NAALADL2: variants seen among roughly 807,000 people sequenced by gnomAD.
The protein encoded by NAALADL2 is N-acetylated alpha-linked acidic dipeptidase like 2, also known as inactive N-acetylated-alpha-linked acidic dipeptidase-like protein 2.
In NAALADL2, 76 loss-of-function variants were observed where a neutral mutation model predicts 87.2. The observed-to-expected ratio is 0.87, with a 90% CI of 0.72 to 1.05. NAALADL2 has a LOEUF of 1.05. NAALADL2 is among the 50% of genes least tolerant of loss of function. NAALADL2 has a pLI of 0.00. For missense variants in NAALADL2, 1,089 were observed against 945.8 expected (o/e 1.15, Z -1.99); for synonymous variants, 354 against 331.0 (o/e 1.07, Z -0.75).
chr3:174,848,782 C>T (rs768623866), intron 3 of NAALADL2, among the ~76,000 whole-genome samples: 7 of 152,026 alleles, frequency 4.6e-5, no homozygotes, highest in Admixed American at 2.6e-4. Flanking sequence ...TTTGTTGTTG[C>T]GTGAACACCA....
At chr3:174,571,901 A>G (rs1714976745) in intron 2 of NAALADL2, among the ~76,000 whole-genome samples, 1 of 152,192 alleles carries the variant, frequency 6.6e-6, no homozygotes, top group Non-Finnish European at 1.5e-5. Context: ...AGATCCCAAT[A>G]TTTCTTCAGA....
chr3:174,946,799 G>A (rs76385200), intron 1 of NAALADL2, among the ~76,000 whole-genome samples: 6,480 of 152,100 alleles, frequency 0.043, 454 homozygotes, highest in African/African-American at 0.14. Context: ...CAGTTCTAAC[G>A]TGTTTAAATA....
chr3:175,617,698 C>A (rs1725538043), intron 10 of NAALADL2, among the ~76,000 whole-genome samples: 1 of 152,158 alleles, frequency 6.6e-6, no homozygotes, highest in Admixed American at 6.5e-5. Flanking sequence ...CTGTAGCTTC[C>A]TCCTGATATC....
At chr3:175,385,078 C>T (rs1189782759) in intron 5 of NAALADL2, among the ~76,000 whole-genome samples, 1 of 151,948 alleles carries the variant, frequency 6.6e-6, no homozygotes, top group African/African-American at 2.4e-5. Flanking sequence ...ATTTAATGAC[C>T]ATTTAGTATT....
chr3:174,769,741 T>G (rs1208773569), intron 3 of NAALADL2, among the ~76,000 whole-genome samples: 1 of 151,504 alleles, frequency 6.6e-6, no homozygotes, highest in Non-Finnish European at 1.5e-5. Flanking sequence ...GTCACACTTT[T>G]GAAAACAATT....
At chr3:175,071,703 A>G (rs888900469) in intron 1 of NAALADL2, among the ~76,000 whole-genome samples, 1 of 152,206 alleles carries the variant, frequency 6.6e-6, no homozygotes, top group Admixed American at 6.6e-5. Context: ...CCTGGTATCA[A>G]AACAGCTTAG....
At chr3:175,266,862 T>C (rs1236103643) in intron 4 of NAALADL2, among the ~76,000 whole-genome samples, 1 of 151,884 alleles carries the variant, frequency 6.6e-6, no homozygotes, top group Non-Finnish European at 1.5e-5. Flanking sequence ...CTGGTGAAGG[T>C]ATTATGGATA....
intron 2 of NAALADL2, among the ~76,000 whole-genome samples, chr3:174,592,654 A>G (rs903893404): frequency 1.8e-4 from 28 of 152,274 alleles, no homozygotes; most frequent in African/African-American, 5.5e-4. Flanking sequence ...TCGTTTTAGA[A>G]CTGCAAAGTT....
At chr3:174,533,046 G>T (rs1199957465) in intron 1 of NAALADL2, among the ~76,000 whole-genome samples, 2 of 149,940 alleles carry the variant, frequency 1.3e-5, no homozygotes, top group Non-Finnish European at 3.0e-5. Context: ...TAACTTTCTA[G>T]CTCATTACAG....
At chr3:174,599,994 A>G (rs1718281859) in intron 2 of NAALADL2, among the ~76,000 whole-genome samples, 1 of 152,160 alleles carries the variant, frequency 6.6e-6, no homozygotes. Context: ...TTAAGAATTC[A>G]GTGCTAGCTT....
At chr3:175,622,481 C>A (rs944199585) in intron 10 of NAALADL2, among the ~76,000 whole-genome samples, 1 of 152,074 alleles carries the variant, frequency 6.6e-6, no homozygotes, top group African/African-American at 2.4e-5. Context: ...CTATAGTGTT[C>A]TCTGTATTAT....
chr3:175,572,087 A>AG (rs1334857419), intron 9 of NAALADL2, among the ~76,000 whole-genome samples: 5 of 152,104 alleles, frequency 3.3e-5, no homozygotes, highest in Non-Finnish European at 7.4e-5. Flanking sequence ...AGGCCAACAG[A>AG]GAAACTCTGG....
At chr3:174,722,060 A>G (rs142649819) in intron 2 of NAALADL2, among the ~76,000 whole-genome samples, 3,248 of 152,208 alleles carry the variant, frequency 0.021, 39 homozygotes, top group Middle Eastern at 0.048. Flanking sequence ...CCTATGGTGG[A>G]CTGCTTTCCC....
chr3:175,700,876 C>T (rs578072127), intron 11 of NAALADL2, among the ~76,000 whole-genome samples: 1 of 152,144 alleles, frequency 6.6e-6, no homozygotes, highest in African/African-American at 2.4e-5. Flanking sequence ...AGTAATATTT[C>T]ACTTGGCAAG....
chr3:175,205,571 G>C (rs1740693472), intron 2 of NAALADL2, among the ~76,000 whole-genome samples: 1 of 152,060 alleles, frequency 6.6e-6, no homozygotes, highest in African/African-American at 2.4e-5. Flanking sequence ...AAAAGCAAAT[G>C]CAATAAAAAC....
intron 5 of NAALADL2, among the ~76,000 whole-genome samples, chr3:175,340,729 C>G (rs1762483064): frequency 6.6e-6 from 1 of 152,162 alleles, no homozygotes. Context: ...TGGCTTCTTT[C>G]TTTCCTCATG....
rs114735904 is a variant in NAALADL2, at chr3:174,997,286, C to T, written c.44-99504C>T. On this transcript the variant is annotated intron_variant, in intron 1 of 13. Coordinates refer to ENST00000454872, the MANE Select transcript of NAALADL2 (RefSeq NM_207015.3). The stretch of plus-strand genomic sequence containing the variant: ...TCCATAGTGGTACTAATTTACATTC[C>T]CACCAGCAGTGTAACAGTGTTCCCT... Among the ~76,000 whole-genome samples, 1,338 of 151,978 alleles carry T rather than the reference C, an allele frequency of 8.8e-3. 13 individuals are homozygous for T. The highest frequency in any genetic ancestry group is 0.021 in the Middle Eastern group (6 of 292).
intron 4 of NAALADL2, among the ~76,000 whole-genome samples, chr3:175,310,308 C>T (rs1033528772): frequency 2.0e-5 from 3 of 151,154 alleles, no homozygotes; most frequent in Non-Finnish European, 4.4e-5. Context: ...CATTGAACAT[C>T]AAATATACAT....
At chr3:175,005,962 T>C (rs1748963228) in intron 1 of NAALADL2, among the ~76,000 whole-genome samples, 1 of 152,194 alleles carries the variant, frequency 6.6e-6, no homozygotes, top group South Asian at 2.1e-4. Flanking sequence ...AAGCAGTAAA[T>C]ATGTTTCCAA....
Sources: gnomAD v4.1 joint callset for allele counts (sites outside exome capture counted in the v4.1 genomes callset) on GRCh38, gnomAD v4.1.1 for gene constraint, MANE v1.5 for transcripts, NCBI Gene and HGNC (gene_info 2026-07-23, HGNC 2026-07-21) for gene names.